The following CNTNAP5 variants were observed in gnomAD, a reference collection of about 807,000 sequenced individuals.
The protein encoded by CNTNAP5 is contactin associated protein family member 5.
Under a neutral mutation model 150.2 loss-of-function variants are expected in CNTNAP5, and 72 were observed. That is an observed-to-expected ratio of 0.48 (90% CI 0.40 to 0.58). The LOEUF (loss-of-function observed/expected upper bound fraction) is 0.58. Ranked by LOEUF, CNTNAP5 falls within the 20% of genes least tolerant of loss-of-function variation. The pLI, the probability that CNTNAP5 is intolerant of heterozygous loss-of-function variation, is 0.00. For synonymous variants in CNTNAP5, 672 were observed against 619.8 expected, an observed-to-expected ratio of 1.08 and a Z score of -1.25; for missense variants, 1,636 against 1,626.2, an observed-to-expected ratio of 1.01 and a Z score of -0.10.
chr2:124,190,927 T>G (rs1685443838), intron 1 of CNTNAP5, among the ~76,000 whole-genome samples: 1 of 152,240 alleles, frequency 6.6e-6, no homozygotes, highest in African/African-American at 2.4e-5. Context: ...TTTTATCTTC[T>G]CATTCTCTGG....
At chr2:124,768,073 T>A (rs1013854070) in intron 16 of CNTNAP5, among the ~76,000 whole-genome samples, 1 of 152,082 alleles carries the variant, frequency 6.6e-6, no homozygotes, top group South Asian at 2.1e-4. Context: ...CTGAAGCCCA[T>A]GGGAATGGGA....
chr2:124,630,712 G>A (rs1432806453), intron 12 of CNTNAP5, among the ~76,000 whole-genome samples: 2 of 152,090 alleles, frequency 1.3e-5, no homozygotes, highest in Non-Finnish European at 2.9e-5. Context: ...TAGTAGTGTT[G>A]GGAGTTCTGG....
intron 1 of CNTNAP5, among the ~76,000 whole-genome samples, chr2:124,046,136 T>G (rs932490766): frequency 1.3e-5 from 2 of 152,032 alleles, no homozygotes; most frequent in African/African-American, 2.4e-5. Flanking sequence ...TGTGCCTGAG[T>G]GGTGTGCCCT....
intron 8 of CNTNAP5, among the ~76,000 whole-genome samples, chr2:124,506,377 C>T (rs979894947): frequency 6.6e-6 from 1 of 152,066 alleles, no homozygotes; most frequent in Non-Finnish European, 1.5e-5. Flanking sequence ...AGCATGGGTG[C>T]CTTGAGCTCA....
intron 1 of CNTNAP5, among the ~76,000 whole-genome samples, chr2:124,078,383 A>C (rs189280087): frequency 6.6e-6 from 1 of 152,340 alleles, no homozygotes; most frequent in African/African-American, 2.4e-5. Context: ...TATACCCTTC[A>C]AATAAAGCCT....
intron 1 of CNTNAP5, among the ~76,000 whole-genome samples, chr2:124,094,072 G>T (rs1682876245): frequency 6.6e-6 from 1 of 152,216 alleles, no homozygotes; most frequent in Non-Finnish European, 1.5e-5. Flanking sequence ...ACTAAAGGGA[G>T]GGAATGCCTA....
chr2:124,367,719 G>T (rs1381464655), intron 3 of CNTNAP5, among the ~76,000 whole-genome samples: 1 of 152,126 alleles, frequency 6.6e-6, no homozygotes, highest in Admixed American at 6.5e-5. Context: ...TACTCCATCT[G>T]AACCTTAGAA....
At chr2:124,832,011 A>G (rs1682725927) in intron 19 of CNTNAP5, among the ~76,000 whole-genome samples, 1 of 152,058 alleles carries the variant, frequency 6.6e-6, no homozygotes, top group South Asian at 2.1e-4. Context: ...TCATTAAACC[A>G]ACAATATTAA....
chr2:124,660,793 A>T (rs1373463793), intron 13 of CNTNAP5, among the ~76,000 whole-genome samples: 3 of 151,950 alleles, frequency 2.0e-5, no homozygotes, highest in African/African-American at 7.3e-5. Flanking sequence ...AAGATACAAA[A>T]ATGAGCTGGG....
chr2:124,905,851 G>T (rs924841304), intron 22 of CNTNAP5, among the ~76,000 whole-genome samples: 1 of 152,102 alleles, frequency 6.6e-6, no homozygotes, highest in Non-Finnish European at 1.5e-5. Context: ...TGCGCTACAG[G>T]GGTGGTCTCT....
chr2:124,158,438 C>T (rs1243953925), intron 1 of CNTNAP5, among the ~76,000 whole-genome samples: 3 of 152,154 alleles, frequency 2.0e-5, no homozygotes, highest in African/African-American at 7.2e-5. Flanking sequence ...CTTATAGTAC[C>T]TAATACTTGC....
intron 21 of CNTNAP5, among the ~76,000 whole-genome samples, chr2:124,898,091 G>A (rs1678343985): frequency 6.6e-6 from 1 of 151,076 alleles, no homozygotes; most frequent in African/African-American, 2.5e-5. Flanking sequence ...TCCCTTACCT[G>A]AAAGCCACAA....
chr2:124,538,840 T>A (rs987621301), intron 10 of CNTNAP5, among the ~76,000 whole-genome samples: 1 of 152,140 alleles, frequency 6.6e-6, no homozygotes, highest in Non-Finnish European at 1.5e-5. Flanking sequence ...ATAAAGAGAT[T>A]CCTTGGTATT....
At chr2:124,828,113 C>T (rs1442294505) in intron 19 of CNTNAP5, among the ~76,000 whole-genome samples, 1 of 152,162 alleles carries the variant, frequency 6.6e-6, no homozygotes, top group East Asian at 1.9e-4. Flanking sequence ...TGTAATCTTG[C>T]AAGAACTATT....
chr2:124,029,018 G>A (rs1008766817), intron 1 of CNTNAP5, among the ~76,000 whole-genome samples: 6 of 152,088 alleles, frequency 3.9e-5, no homozygotes, highest in African/African-American at 1.4e-4. Context: ...ATAAGTATAA[G>A]TTGTGCGATT....
At chr2:124,051,549 G>A (rs559775227) in intron 1 of CNTNAP5, among the ~76,000 whole-genome samples, 34 of 152,318 alleles carry the variant, frequency 2.2e-4, no homozygotes, top group Middle Eastern at 3.4e-3. Context: ...CCATCTCTTC[G>A]TGATGCCAAG....
At chr2:124,486,803 A>G (rs1303684354) in intron 7 of CNTNAP5, among the ~76,000 whole-genome samples, 1 of 152,184 alleles carries the variant, frequency 6.6e-6, no homozygotes, top group Admixed American at 6.5e-5. Context: ...AAATAGTGAA[A>G]CTACTACTTT....
At chr2:124,752,128 T>A (rs553396810) in intron 14 of CNTNAP5, among the ~76,000 whole-genome samples, 3 of 152,266 alleles carry the variant, frequency 2.0e-5, no homozygotes, top group Admixed American at 2.0e-4. Flanking sequence ...TCAAATCACA[T>A]CACCGCAGCA....
chr2:124,688,387 C>T (rs2105076417), intron 13 of CNTNAP5, among the ~76,000 whole-genome samples: 1 of 152,080 alleles, frequency 6.6e-6, no homozygotes, highest in East Asian at 1.9e-4. Context: ...TGGGATGTTT[C>T]CATAAATCGC....
Sources: allele counts gnomAD v4.1 joint callset (sites outside exome capture counted in the v4.1 genomes callset), GRCh38; gene constraint gnomAD v4.1.1; transcripts MANE v1.5; gene names NCBI Gene and HGNC (gene_info 2026-07-23, HGNC 2026-07-21).